The following HERC2 variants were observed in gnomAD, a reference collection of about 807,000 sequenced individuals.
HERC2 encodes the protein E3 ubiquitin-protein ligase HERC2.
Under a neutral mutation model 537.7 loss-of-function variants are expected in HERC2, and 102 were observed. That is an observed-to-expected ratio of 0.19 (90% confidence interval 0.16 to 0.22). The LOEUF (loss-of-function observed/expected upper bound fraction) is 0.22. Among genes scored for constraint, HERC2 ranks in the 10% least tolerant of loss-of-function variants. The probability of loss-of-function intolerance (pLI) is 1.00; values close to 1 mark genes in which losing one functional copy is unlikely to be tolerated. For synonymous variants in HERC2, 2,224 were observed against 2,466.2 expected (o/e 0.90, Z 2.91); for missense variants, 4,236 against 6,198.2 (o/e 0.68, Z 10.63).
In HERC2 at chr15:28,116,715, A is replaced by G. The variant is rs200993824; in HGVS notation, c.13559T>C (p.Leu4520Pro). The G allele has an allele frequency of 6.2e-7, 1 of 1,613,810 alleles. No individual in the cohort carries two copies. The highest frequency in any genetic ancestry group is 2.2e-5 in the East Asian group (1 of 44,866). ...ESGANRDCYL[L>P]SPAARAPVHS... ...CACGGGTGCTCTGGCGGCCGGGCTG[A>G]GCAGGTAGCAGTCTCGGTTGGCCCC... is the stretch of plus-strand genomic sequence containing the variant. The change falls in exon 88 of 93, where the codon CTC becomes CCC. Residue 4520 changes from leucine (L) to proline (P), a missense_variant. Physicochemically the swap from Leu to Pro is moderately conservative, Grantham distance 98. Transcript: ENST00000261609.
chr15:28,254,588 G>A, intron 19 of HERC2, 70 bp from the exon 20 acceptor site: 1 of 1,084,650 alleles, frequency 9.2e-7, no homozygotes, highest in Non-Finnish European at 1.3e-6. Flanking sequence ...CAGGCTGGCT[G>A]AGCCCTAACC....
rs774687698 is a variant in HERC2, at chr15:28,256,177, G to C, written c.2658C>G (p.Ala886=). Residue 886 remains alanine (A), a synonymous_variant, in exon 18 of 93, where the codon GCC becomes GCG. Coordinates refer to ENST00000261609, the MANE Select transcript of HERC2 (RefSeq NM_004667.6). The part of the protein sequence containing the change: ...AGVLSTVQSA[A]QAVLQSGWSV... Reference sequence around the variant, plus strand: ...ACCAGCCACTCTGCAGCACGGCCTGGGCGGCCGACTGCACGGTGCTCAGCA... The same window carrying C: ...ACCAGCCACTCTGCAGCACGGCCTGCGCGGCCGACTGCACGGTGCTCAGCA... 1.2e-6 allele frequency: 2 copies of C among 1,601,618 alleles called. No homozygotes were observed. Among genetic ancestry groups the C allele is most frequent in the Admixed American group, 3.3e-5 (2 of 59,968 alleles).
rs199850400 is a variant in HERC2 at position 28,179,191 on chromosome 15, T to G, written c.8970A>C (p.Ser2990=). ...IKVPSFSETL[S]ALNVVQVAGG... The stretch of plus-strand genomic sequence containing the variant: ...CAGCCACCTGTACCACATTCAAAGC[T>G]GACAGTGTCTCAGAGAACGAAGGAA... The change falls in exon 58 of 93, where the codon TCA becomes TCC. Residue 2990 remains serine, a synonymous_variant. Transcript: ENST00000261609. 6.2e-7 allele frequency: 1 copy of G among 1,612,664 alleles called. No homozygotes were observed. Among genetic ancestry groups the G allele is most frequent in the East Asian group, 2.2e-5 (1 of 44,874 alleles).
chr15:28,240,232 C>T (rs1013210546), intron 23 of HERC2, among the ~76,000 whole-genome samples: 28 of 152,256 alleles, frequency 1.8e-4, no homozygotes, highest in African/African-American at 6.7e-4. Context: ...TCCTGGCTAA[C>T]ACGGTGAAAC....
intron 89 of HERC2, 145 bp downstream of exon 89, chr15:28,115,284 A>G (rs1224666781): frequency 2.4e-6 from 1 of 425,428 alleles, no homozygotes; most frequent in East Asian, 3.5e-5. Flanking sequence ...TTTTTTTGCT[A>G]CTCAAAGGTG....
At chr15:28,128,927 G>C (rs1889799460) in intron 83 of HERC2, among the ~76,000 whole-genome samples, 1 of 152,206 alleles carries the variant, frequency 6.6e-6, no homozygotes, top group Admixed American at 6.5e-5. Flanking sequence ...GCCAGCAACA[G>C]AGGGTAGAGA....
intron 69 of HERC2, among the ~76,000 whole-genome samples, chr15:28,160,498 G>C (rs1054335720): frequency 6.6e-6 from 1 of 152,222 alleles, no homozygotes; most frequent in African/African-American, 2.4e-5. Context: ...TGCTAGCAAT[G>C]AGCGAGGCTC....
In HERC2 at chr15:28,264,020, C is replaced by CA. The variant is rs34823980; in HGVS notation, c.1871-852dup. Among the ~76,000 whole-genome samples, 514 of 83,710 alleles carry CA rather than the reference C, an allele frequency of 6.1e-3. 3 individuals are homozygous for CA. Among genetic ancestry groups the CA allele is most frequent in the South Asian group, 0.012 (28 of 2,370 alleles). The allele number at this position is 83,710 out of a possible 152,430, so 54.9% of individuals were successfully genotyped here. On this transcript the variant is annotated intron_variant, in intron 14 of 92. Coordinates refer to ENST00000261609, the MANE Select transcript of HERC2 (RefSeq NM_004667.6). ...GGTGACAGAGCAAAACTTTGTCTTACAAAAAAAAAAAAAAAAAACAAACAA... is the reference window on the plus strand; with the variant it reads ...GGTGACAGAGCAAAACTTTGTCTTACAAAAAAAAAAAAAAAAAAACAAACAA...
Position 28,113,879 on chromosome 15 carries a change from G to A in HERC2, c.13914-201C>T, listed in dbSNP as rs936858080. ...GACACTGGGCTCATCTCGTCCAGCCGACAGGGTACGGCCTAATGACCACCT... is the reference window on the plus strand; with the variant it reads ...GACACTGGGCTCATCTCGTCCAGCCAACAGGGTACGGCCTAATGACCACCT... On this transcript the variant is annotated intron_variant, in intron 90 of 92. Coordinates refer to ENST00000261609, the MANE Select transcript of HERC2 (RefSeq NM_004667.6). The surrounding 1 kb of genome is among the most constrained non-coding windows in gnomAD (Gnocchi z 7.0). Among the ~76,000 whole-genome samples, 2 of 152,092 alleles carry A rather than the reference G, an allele frequency of 1.3e-5. No homozygotes were observed. Among genetic ancestry groups the A allele is most frequent in the Admixed American group, 6.5e-5 (1 of 15,270 alleles).
chr15:28,132,877 AAC>A, intron 79 of HERC2, 47 bp from the exon 80 acceptor site: 1 of 1,432,872 alleles, frequency 7.0e-7, no homozygotes, highest in Non-Finnish European at 9.3e-7. Flanking sequence ...TTTATTCTTA[AAC>A]ATTTTTCAGT....
Position 28,270,729 on chromosome 15 carries a change from A to C in HERC2, c.1223T>G (p.Met408Arg), listed in dbSNP as rs781259772. 2.5e-6 allele frequency: 4 copies of C among 1,613,862 alleles called. No individual in the cohort carries two copies. The highest frequency in any genetic ancestry group is 8.5e-7 in the Non-Finnish European group (1 of 1,179,880). ...AHLDRLATPC[M>R]PPLCSSPTSH... ...TGTCGGAGAGCTACACAGCGGAGGC[A>C]TACAGGGCGTAGCCAGACGGTCTAA... Residue 408 changes from methionine (M) to arginine (R), a missense_variant, in exon 10 of 93, where the codon ATG (methionine) becomes AGG (arginine). By Grantham distance (91) the Met-to-Arg change is moderately conservative (BLOSUM62 -1). This residue lies in a region of HERC2 where 491 missense variants were observed against 559.3 expected (regional missense o/e 0.88). Coordinates refer to ENST00000261609, the MANE Select transcript of HERC2 (RefSeq NM_004667.6).
Position 28,113,449 on chromosome 15 carries a change from G to A in HERC2, c.14019+124C>T, listed in dbSNP as rs111712835. On this transcript the variant is annotated intron_variant, in intron 91 of 92. Coordinates refer to ENST00000261609, the MANE Select transcript of HERC2 (RefSeq NM_004667.6). The surrounding 1 kb of genome is among the most constrained non-coding windows in gnomAD (Gnocchi z 7.0). ...CTCCTGCAGGCGGGTGGAGGGACGC[G>A]CTCAGAGTGCACTCCCTTCAGTCAA... 2,105 of 1,055,390 alleles carry A rather than the reference G, an allele frequency of 2.0e-3. 11 individuals carry two copies. In the Middle Eastern group the frequency reaches 0.037, roughly 18 times the overall value. The allele number at this position is 1,055,390 out of a possible 1,614,324, so 65.4% of individuals were successfully genotyped here.
At chr15:28,117,236 G>C (rs1240135668) in intron 86 of HERC2, 82 bp from the exon 87 acceptor site, 1 of 1,382,766 alleles carries the variant, frequency 7.2e-7, no homozygotes, top group African/African-American at 1.4e-5. Context: ...ACTGGCGAAT[G>C]CACGAGGAGG....
At chr15:28,188,990 C>A (rs868176172) in intron 55 of HERC2, among the ~76,000 whole-genome samples, 1 of 151,898 alleles carries the variant, frequency 6.6e-6, no homozygotes, top group Non-Finnish European at 1.5e-5. Flanking sequence ...CGGAAGGCTG[C>A]GGCAGGAGAA....
intron 83 of HERC2, among the ~76,000 whole-genome samples, chr15:28,125,471 A>G (rs1889379127): frequency 6.6e-6 from 1 of 152,184 alleles, no homozygotes; most frequent in Non-Finnish European, 1.5e-5. Flanking sequence ...AGAGACACAC[A>G]ACTCTGGTCT....
At chr15:28,193,072 T>C (rs1322787054) in intron 52 of HERC2, among the ~76,000 whole-genome samples, 1 of 151,992 alleles carries the variant, frequency 6.6e-6, no homozygotes, top group Admixed American at 6.6e-5. Flanking sequence ...TGGAGAACAA[T>C]AACATCTTAG....
At chr15:28,318,352 C>A (rs562851014) in intron 2 of HERC2, among the ~76,000 whole-genome samples, 1 of 152,118 alleles carries the variant, frequency 6.6e-6, no homozygotes, top group African/African-American at 2.4e-5. Flanking sequence ...ACAGGCCGGG[C>A]GCGGTGGCTC....
chr15:28,184,738 T>G (rs1192114043), intron 56 of HERC2, among the ~76,000 whole-genome samples: 2 of 151,270 alleles, frequency 1.3e-5, no homozygotes, highest in Non-Finnish European at 2.9e-5. Context: ...GGCGTGCACC[T>G]GTAGTCCCAG....
At chr15:28,115,904 G>C (rs1385528395) in intron 88 of HERC2, among the ~76,000 whole-genome samples, 4 of 152,174 alleles carry the variant, frequency 2.6e-5, no homozygotes, top group African/African-American at 9.7e-5. Flanking sequence ...GCACAGCCGA[G>C]GACACCCTGC....
Sources: allele counts gnomAD v4.1 joint callset (sites outside exome capture counted in the v4.1 genomes callset), GRCh38; gene constraint gnomAD v4.1.1; regional missense constraint gnomAD v4.1.1; non-coding constraint Gnocchi (gnomAD v3.1); transcripts MANE v1.5; gene names NCBI Gene and HGNC (gene_info 2026-07-23, HGNC 2026-07-21).